The following CSMD1 variants were observed in gnomAD, a reference collection of about 807,000 sequenced individuals.
CSMD1 encodes the protein CUB and Sushi multiple domains 1.
CSMD1 carries 213 observed loss-of-function variants against 417.5 expected under a neutral mutation model. The ratio of observed to expected loss-of-function variants is 0.51; its 90% CI spans 0.46 to 0.57. CSMD1 has a LOEUF of 0.57. Among genes scored for constraint, CSMD1 ranks in the 20% least tolerant of loss-of-function variants. The pLI is 0.00. For synonymous variants in CSMD1, 2,862 were observed against 1,736.8 expected, an observed-to-expected ratio of 1.65 and a Z score of -16.11; for missense variants, 6,923 against 4,529.7, an observed-to-expected ratio of 1.53 and a Z score of -15.17.
intron 5 of CSMD1, among the ~76,000 whole-genome samples, chr8:3,844,698 C>G (rs1440703764): frequency 6.6e-6 from 1 of 152,150 alleles, no homozygotes; most frequent in African/African-American, 2.4e-5. Flanking sequence ...TGCAGCCTCA[C>G]TAGTTTTATT....
At chr8:4,309,992 A>C (rs1436750584) in intron 3 of CSMD1, among the ~76,000 whole-genome samples, 1 of 152,170 alleles carries the variant, frequency 6.6e-6, no homozygotes, top group Non-Finnish European at 1.5e-5. Flanking sequence ...ACACCAGACT[A>C]AGGAGTTTGG....
intron 5 of CSMD1, among the ~76,000 whole-genome samples, chr8:3,833,202 T>C (rs181321007): frequency 6.6e-6 from 1 of 152,306 alleles, no homozygotes; most frequent in African/African-American, 2.4e-5. Flanking sequence ...GAATTTTTAA[T>C]CAAGAATTTT....
intron 5 of CSMD1, among the ~76,000 whole-genome samples, chr8:3,970,056 A>G (rs1812974593): frequency 6.6e-6 from 1 of 152,200 alleles, no homozygotes; most frequent in African/African-American, 2.4e-5. Context: ...CTACCAAACT[A>G]CTAAGTAGTC....
At chr8:3,229,037 T>A (rs530924120) in intron 27 of CSMD1, among the ~76,000 whole-genome samples, 1 of 152,248 alleles carries the variant, frequency 6.6e-6, no homozygotes, top group Non-Finnish European at 1.5e-5. Context: ...TCCAACCTCA[T>A]CTGTCTTCAG....
At chr8:3,261,035 G>A (rs1801024223) in intron 26 of CSMD1, among the ~76,000 whole-genome samples, 1 of 152,134 alleles carries the variant, frequency 6.6e-6, no homozygotes, top group African/African-American at 2.4e-5. Context: ...TTTCACTGTA[G>A]AGGAAACACA....
chr8:4,764,573 T>C (rs2117112150), intron 1 of CSMD1, among the ~76,000 whole-genome samples: 2 of 152,098 alleles, frequency 1.3e-5, no homozygotes, highest in South Asian at 4.1e-4. Context: ...TCTCTAAAAA[T>C]ATCAATTTAA....
intron 1 of CSMD1, among the ~76,000 whole-genome samples, chr8:4,862,306 A>T (rs189249328): frequency 4.6e-5 from 7 of 152,242 alleles, no homozygotes; most frequent in African/African-American, 1.7e-4. Flanking sequence ...GTCCATCATC[A>T]GAACCTTATG....
Position 3,189,979 on chromosome 8 carries a change from C to G in CSMD1, c.5331G>C (p.Thr1777=). 1 of 1,598,606 alleles carries G rather than the reference C, an allele frequency of 6.3e-7. No homozygotes were observed. Among genetic ancestry groups the G allele is most frequent in the Non-Finnish European group, 8.5e-7 (1 of 1,173,008 alleles). Residue 1777 remains threonine (T), a synonymous_variant, in exon 34 of 70, where the codon ACG becomes ACC. Transcript: ENST00000635120. ...CNPGYLLQGS[T]ALHCQSVPNA... is the part of the protein sequence containing the mutation. ...TGGGCACGGACTGGCAGTGGAGCGC[C>G]GTGGAACCCTGAAGCAGGTATCCCG...
intron 1 of CSMD1, among the ~76,000 whole-genome samples, chr8:4,677,721 A>G (rs1805784559): frequency 6.6e-6 from 1 of 152,208 alleles, no homozygotes; most frequent in South Asian, 2.1e-4. Context: ...AACCCATTAG[A>G]GTTCTTGGCA....
intron 1 of CSMD1, among the ~76,000 whole-genome samples, chr8:4,915,610 T>C (rs28595457): frequency 0.29 from 43,691 of 152,092 alleles, 6,648 homozygotes; most frequent in East Asian, 0.49. Flanking sequence ...TTGCATCCGA[T>C]TGAACTCTGG....
At chr8:3,142,419 G>C in intron 41 of CSMD1, 46 bp downstream of exon 41, 1 of 1,403,976 alleles carries the variant, frequency 7.1e-7, no homozygotes, top group African/African-American at 1.4e-5. Flanking sequence ...TTACATGTAA[G>C]AAGTGTATTT....
chr8:3,373,436 TA>T (rs1184794737), intron 18 of CSMD1: 1 of 152,230 alleles, frequency 6.6e-6, no homozygotes, highest in African/African-American at 2.4e-5. Context: ...CCAATTCAGT[TA>T]TCATGAAGAC....
At chr8:4,006,784 A>G (rs925696253) in intron 4 of CSMD1, among the ~76,000 whole-genome samples, 5 of 144,524 alleles carry the variant, frequency 3.5e-5, no homozygotes, top group Middle Eastern at 3.6e-3. Flanking sequence ...ATCACCATTC[A>G]TATTTCTTTT....
intron 2 of CSMD1, among the ~76,000 whole-genome samples, chr8:4,622,711 A>ACCTGTG (rs1412008090): frequency 1.3e-5 from 2 of 152,134 alleles, no homozygotes; most frequent in Non-Finnish European, 2.9e-5. Context: ...ATTACATCCC[A>ACCTGTG]CCTGTGCCTG....
intron 12 of CSMD1, among the ~76,000 whole-genome samples, chr8:3,440,387 A>G (rs1278328843): frequency 1.3e-5 from 2 of 152,142 alleles, no homozygotes; most frequent in African/African-American, 4.8e-5. Flanking sequence ...AGATTTCCAC[A>G]TATTACATTG....
chr8:3,933,351 T>G (rs1240146780), intron 5 of CSMD1, among the ~76,000 whole-genome samples: 1 of 152,214 alleles, frequency 6.6e-6, no homozygotes, highest in Non-Finnish European at 1.5e-5. Flanking sequence ...CATTAAGCTG[T>G]TTTTGGCGAC....
intron 1 of CSMD1, among the ~76,000 whole-genome samples, chr8:4,902,758 C>T (rs1004907868): frequency 2.6e-5 from 4 of 152,038 alleles, no homozygotes; most frequent in Admixed American, 6.6e-5. Flanking sequence ...CCTCTGGCCT[C>T]TGTAGCTTAT....
chr8:3,789,148 C>G (rs2129066672), intron 5 of CSMD1, among the ~76,000 whole-genome samples: 1 of 152,148 alleles, frequency 6.6e-6, no homozygotes, highest in East Asian at 1.9e-4. Flanking sequence ...AGAGCAATGC[C>G]CCAGAGAGCT....
At chr8:3,508,346 G>A (rs1796920120) in intron 10 of CSMD1, among the ~76,000 whole-genome samples, 2 of 151,350 alleles carry the variant, frequency 1.3e-5, no homozygotes, top group South Asian at 2.1e-4. Flanking sequence ...ATCACACACG[G>A]GGGCCTGTTA....
Sources: allele counts gnomAD v4.1 joint callset (sites outside exome capture counted in the v4.1 genomes callset), GRCh38; gene constraint gnomAD v4.1.1; transcripts MANE v1.5; gene names NCBI Gene and HGNC (gene_info 2026-07-23, HGNC 2026-07-21).